FRMPD4: variants seen among roughly 807,000 people sequenced by gnomAD.
The protein encoded by FRMPD4 is FERM and PDZ domain containing 4, also known as FERM and PDZ domain-containing protein 4.
Under a neutral mutation model 94.1 loss-of-function variants are expected in FRMPD4, and 22 were observed. The ratio of observed to expected loss-of-function variants is 0.23; its 90% CI spans 0.17 to 0.33. FRMPD4 has a LOEUF of 0.33. FRMPD4 is among the 10% of genes least tolerant of loss of function. The probability of loss-of-function intolerance (pLI) is 1.00; values close to 1 mark genes in which losing one functional copy is unlikely to be tolerated. For synonymous variants in FRMPD4, 631 were observed against 548.6 expected (o/e 1.15, Z -2.10); for missense variants, 1,111 against 1,339.9 (o/e 0.83, Z 2.67).
At chrX:12,558,007 A>G (rs1439316485) in intron 2 of FRMPD4, among the ~76,000 whole-genome samples, 1 of 112,492 alleles carries the variant, frequency 8.9e-6, no homozygotes, top group Non-Finnish European at 1.9e-5. Flanking sequence ...GATGAAGTCA[A>G]CCACAGCATA....
chrX:12,511,075 C>T (rs1241015088), intron 2 of FRMPD4, among the ~76,000 whole-genome samples: 1 of 112,302 alleles, frequency 8.9e-6, no homozygotes, highest in East Asian at 2.8e-4. Flanking sequence ...GAGAAGACAG[C>T]ATATCCTTAG....
At chrX:12,494,687 C>T (rs1643881876) in intron 1 of FRMPD4, among the ~76,000 whole-genome samples, 2 of 111,782 alleles carry the variant, frequency 1.8e-5, no homozygotes, top group African/African-American at 6.5e-5. Context: ...CAGGAGGAAA[C>T]CATGGGTTGC....
Position 12,717,537 on chromosome X carries a change from C to T in FRMPD4, c.2711C>T (p.Ser904Leu), listed in dbSNP as rs751943219. ...TTGCGGGCTTATAGTCCTGAGTCTT[C>T]GTCAGACTCGGGCAATGAAACTAAC... ...AILRAYSPES[S>L]SDSGNETNSS... Residue 904 changes from serine (S) to leucine (L), a missense_variant, in exon 16 of 17, where the codon TCG becomes TTG. Coordinates refer to ENST00000675598, the MANE Select transcript of FRMPD4 (RefSeq NM_001368397.1). 1 of 1,199,264 alleles carries T rather than the reference C, an allele frequency of 8.3e-7. No homozygotes were observed. Among genetic ancestry groups the T allele is most frequent in the African/African-American group, 1.8e-5 (1 of 56,885 alleles).
rs1368831900 is a variant in FRMPD4, at chrX:11,967,752, G to GTT, written c.95+89735_95+89736insTT. Among the ~76,000 whole-genome samples the GTT allele has an allele frequency of 5.1e-5, 4 of 77,907 alleles. No homozygotes were observed. In the East Asian group the frequency reaches 2.1e-3, roughly 41 times the overall value. The allele number at this position is 77,907 out of a possible 115,157, so 67.7% of individuals were successfully genotyped here. A position where few individuals can be genotyped will look rare whatever the true frequency, so the allele number is the denominator to read the frequency against. On this transcript the variant is annotated intron_variant, in intron 3 of 18. Transcript: ENST00000640291. ...TAGGCAGATGTGTGTGTGTGTGTGT[G>GTT]TGTGTTTTTTTTTTTTTTTTTTTTT...
At chrX:12,664,723 G>A (rs1206958110) in intron 4 of FRMPD4, among the ~76,000 whole-genome samples, 1 of 111,935 alleles carries the variant, frequency 8.9e-6, no homozygotes, top group Non-Finnish European at 1.9e-5. Flanking sequence ...CTCATAAAAT[G>A]AGTCAGGGAG....
chrX:12,187,902 G>T (rs1382400580), intron 1 of FRMPD4, among the ~76,000 whole-genome samples: 1 of 111,871 alleles, frequency 8.9e-6, no homozygotes, highest in African/African-American at 3.2e-5. Context: ...AGCACCTTCA[G>T]ACTGCAAACA....
At chrX:12,435,745 T>C (rs2057059519) in intron 1 of FRMPD4, among the ~76,000 whole-genome samples, 1 of 111,864 alleles carries the variant, frequency 8.9e-6, no homozygotes, top group Non-Finnish European at 1.9e-5. Flanking sequence ...TTTGTGAGTA[T>C]AAAATAGTTA....
At position 12,710,441 on chromosome X, in the gene FRMPD4, G is replaced by A. The variant is rs145060574; in HGVS notation, c.1513G>A (p.Ala505Thr). 6 of 1,199,491 alleles carry A rather than the reference G, an allele frequency of 5.0e-6. No homozygotes were observed. Among genetic ancestry groups the A allele is most frequent in the Non-Finnish European group, 6.8e-6 (6 of 886,264 alleles). Residue 505 changes from alanine to threonine, a missense_variant, in exon 14 of 17, where the codon GCC becomes ACC. By Grantham distance (58) the Ala-to-Thr change is moderately conservative. Around this residue, in one of 8 missense-constraint regions of FRMPD4, gnomAD observed 111 missense variants for 160.7 expected, o/e 0.69. Coordinates refer to ENST00000675598, the MANE Select transcript of FRMPD4 (RefSeq NM_001368397.1). ...GGAATCCTCAGATGCCATGAACCTG[G>A]CCTGCTTGACGGCTGGATACTACCG... Reference protein sequence around the residue: ...LMESSDAMNLACLTAGYYRLL... With the variant: ...LMESSDAMNLTCLTAGYYRLL...
chrX:12,169,634 A>G (rs1488472570), intron 1 of FRMPD4, among the ~76,000 whole-genome samples: 2 of 112,121 alleles, frequency 1.8e-5, no homozygotes, highest in East Asian at 2.8e-4. Context: ...TGTATGTTCT[A>G]TTAGGTCTAA....
intron 1 of FRMPD4, among the ~76,000 whole-genome samples, chrX:12,298,855 A>G (rs762359493): frequency 1.1e-4 from 12 of 112,365 alleles, no homozygotes; most frequent in Non-Finnish European, 2.1e-4. Flanking sequence ...ACTTACATAT[A>G]GAGAGAGCTA....
intron 3 of FRMPD4, among the ~76,000 whole-genome samples, chrX:11,961,370 T>C (rs1234621993): frequency 1.8e-5 from 2 of 112,389 alleles, no homozygotes; most frequent in African/African-American, 3.2e-5. Context: ...GCTCTAGCCT[T>C]GGTGTCCTCA....
intron 1 of FRMPD4, among the ~76,000 whole-genome samples, chrX:12,325,977 G>A (rs2055281023): frequency 8.9e-6 from 1 of 112,041 alleles, no homozygotes; most frequent in Admixed American, 9.5e-5. Flanking sequence ...AGAATATGGA[G>A]ACCTTTATCT....
intron 3 of FRMPD4, among the ~76,000 whole-genome samples, chrX:11,919,254 G>T (rs776871616): frequency 1.2e-4 from 13 of 112,456 alleles, no homozygotes; most frequent in Non-Finnish European, 2.1e-4. Flanking sequence ...TCTCAGCATT[G>T]TCTAATACCC....
chrX:11,991,496 A>G (rs2054463986), intron 3 of FRMPD4, among the ~76,000 whole-genome samples: 1 of 112,012 alleles, frequency 8.9e-6, no homozygotes, highest in African/African-American at 3.2e-5. Flanking sequence ...ATTTCAATAG[A>G]CCATGGAGGT....
chrX:12,040,217 A>G (rs765508384), intron 3 of FRMPD4, among the ~76,000 whole-genome samples: 1 of 107,690 alleles, frequency 9.3e-6, no homozygotes, highest in African/African-American at 3.4e-5. Flanking sequence ...TTGATGCTCT[A>G]TGTCTAGGTA....
At position 12,266,160 on chromosome X, in the gene FRMPD4, A is replaced by AAAAG. The variant is rs1569211566; in HGVS notation, c.41+127149_41+127150insAAGA. On this transcript the variant is annotated intron_variant, in intron 1 of 16. Transcript: ENST00000675598. Reference sequence around the variant, plus strand: ...AAAAAAAAAAAAAAAAAAAAAAAAAAAGAGAAAACAAAAAATGAACAGGCC... The same window carrying AAAAG: ...AAAAAAAAAAAAAAAAAAAAAAAAAAAAAGAGAGAAAACAAAAAATGAACAGGCC... 2.0e-3 allele frequency among the ~76,000 whole-genome samples: 209 copies of AAAAG among 103,758 alleles called. 6 individuals are homozygous for AAAAG. The highest frequency in any genetic ancestry group is 7.4e-3 in the African/African-American group (198 of 26,615). The allele number at this position is 103,758 out of a possible 115,157, so 90.1% of individuals were successfully genotyped here.
At chrX:12,071,315 T>C (rs1410410704) in intron 3 of FRMPD4, among the ~76,000 whole-genome samples, 4 of 110,919 alleles carry the variant, frequency 3.6e-5, no homozygotes, top group Non-Finnish European at 1.9e-5. Flanking sequence ...CCTTTTTAAA[T>C]GACAGGAACC....
At chrX:11,933,507 A>G (rs1368575620) in intron 3 of FRMPD4, among the ~76,000 whole-genome samples, 1 of 112,769 alleles carries the variant, frequency 8.9e-6, no homozygotes, top group Non-Finnish European at 1.9e-5. Flanking sequence ...GGAAAAAGCC[A>G]GTAGAATATC....
chrX:12,707,715 G>A, intron 13 of FRMPD4, 64 bp downstream of exon 13: 7 of 912,229 alleles, frequency 7.7e-6, no homozygotes, highest in Non-Finnish European at 1.1e-5. Flanking sequence ...TAACACTGCA[G>A]ATGTTTACAA....
Sources: allele counts gnomAD v4.1 joint callset (sites outside exome capture counted in the v4.1 genomes callset), GRCh38; gene constraint gnomAD v4.1.1; regional missense constraint gnomAD v4.1.1; transcripts MANE v1.5; gene names NCBI Gene and HGNC (gene_info 2026-07-23, HGNC 2026-07-21).